ATE1: variants seen among roughly 807,000 people sequenced by gnomAD.
The protein encoded by ATE1 is arginyl-tRNA--protein transferase 1.
ATE1 carries 36 observed loss-of-function variants against 70.5 expected under a neutral mutation model. The observed-to-expected ratio is 0.51, with a 90% CI of 0.39 to 0.67. The LOEUF (loss-of-function observed/expected upper bound fraction) is 0.67, where lower values mean the gene tolerates loss of function less well. Ranked by LOEUF, ATE1 falls within the 30% of genes least tolerant of loss-of-function variation. The probability of loss-of-function intolerance (pLI) is 0.00; values close to 1 mark genes in which losing one functional copy is unlikely to be tolerated. For synonymous variants in ATE1, 232 were observed against 219.3 expected (o/e 1.06, Z -0.51); for missense variants, 593 against 629.5 (o/e 0.94, Z 0.62).
At chr10:121,831,333 T>G (rs1948225934) in intron 10 of ATE1, among the ~76,000 whole-genome samples, 1 of 152,216 alleles carries the variant, frequency 6.6e-6, no homozygotes, top group African/African-American at 2.4e-5. Flanking sequence ...TAACTCATAT[T>G]TTGCATATAA....
chr10:121,903,093 CTTGGACAGACTGGTCTCAAACTCCT>C (rs1208512288), intron 5 of ATE1, among the ~76,000 whole-genome samples: 6 of 151,608 alleles, frequency 4.0e-5, no homozygotes, highest in East Asian at 1.9e-4. Flanking sequence ...CTCAAACTCC[CTTGGACAGACTGGTCTCAAACTCCT>C]GACCTCGTGA....
chr10:121,834,242 T>C (rs769881086), intron 10 of ATE1, among the ~76,000 whole-genome samples: 1 of 152,140 alleles, frequency 6.6e-6, no homozygotes, highest in Non-Finnish European at 1.5e-5. Flanking sequence ...ACAGCACTCA[T>C]CCCTATCTGA....
intron 9 of ATE1, 77 bp from the exon 10 acceptor site, chr10:121,836,894 T>C (rs1948454209): frequency 6.6e-6 from 6 of 912,256 alleles, no homozygotes; most frequent in Non-Finnish European, 1.0e-5. Flanking sequence ...AATTTGATGG[T>C]AAACATTTGA....
rs536102472 is a variant in ATE1 at position 121,905,132 on chromosome 10, T to C, written c.584-2512A>G. On this transcript the variant is annotated intron_variant, in intron 5 of 11. Transcript: ENST00000224652. ...AGCTGACCTTGGGCACGTTTCCCTG[T>C]CTGTACAAGAAAAACAAAAACCAGT... Among the ~76,000 whole-genome samples the C allele has an allele frequency of 3.0e-3, 463 of 152,294 alleles. 1 individual carries two copies. Among genetic ancestry groups the C allele is most frequent in the African/African-American group, 0.01 (425 of 41,568 alleles).
chr10:121,852,546 A>G (rs1214603595), intron 8 of ATE1, among the ~76,000 whole-genome samples: 1 of 152,104 alleles, frequency 6.6e-6, no homozygotes, highest in Non-Finnish European at 1.5e-5. Context: ...CCCCTTCTCT[A>G]CTAAAAATAC....
rs190317902 is a variant in ATE1 at position 121,878,307 on chromosome 10, A to C, written c.943-8269T>G. Among the ~76,000 whole-genome samples, 22 of 152,234 alleles carry C rather than the reference A, an allele frequency of 1.4e-4. No homozygotes were observed. The East Asian group carries it at 4.3e-3, about 29-fold the overall frequency. On this transcript the variant is annotated intron_variant, in intron 7 of 11. Transcript: ENST00000224652. ...TATAAGAGCATATACATAAGTAAAA[A>C]TTTGGCCAGGCGTGTTGTTTCATAC...
intron 1 of ATE1, among the ~76,000 whole-genome samples, chr10:121,925,407 A>G (rs1354631357): frequency 6.6e-6 from 1 of 150,716 alleles, no homozygotes; most frequent in Non-Finnish European, 1.5e-5. Flanking sequence ...AGCATGGGCA[A>G]CAAGAGTGAA....
At chr10:121,860,220 A>G (rs1360444995) in intron 8 of ATE1, among the ~76,000 whole-genome samples, 1 of 152,212 alleles carries the variant, frequency 6.6e-6, no homozygotes, top group Non-Finnish European at 1.5e-5. Context: ...TGAGAAAAGG[A>G]AGGGTCAGGG....
At chr10:121,915,342 C>T (rs989255645) in intron 3 of ATE1, among the ~76,000 whole-genome samples, 1 of 150,930 alleles carries the variant, frequency 6.6e-6, no homozygotes, top group Non-Finnish European at 1.5e-5. Flanking sequence ...GAAGATTCTG[C>T]AAAAAAGATG....
intron 11 of ATE1, among the ~76,000 whole-genome samples, chr10:121,776,438 T>G (rs1945745242): frequency 6.6e-6 from 1 of 152,178 alleles, no homozygotes; most frequent in African/African-American, 2.4e-5. Flanking sequence ...ATGATAACCC[T>G]TTAGCAAAAT....
intron 10 of ATE1, among the ~76,000 whole-genome samples, chr10:121,802,916 C>T (rs1946947097): frequency 6.6e-6 from 1 of 152,100 alleles, no homozygotes; most frequent in Non-Finnish European, 1.5e-5. Context: ...AATAATCATA[C>T]AGAAATGTTA....
chr10:121,825,299 A>G (rs142030398), intron 10 of ATE1, among the ~76,000 whole-genome samples: 1,524 of 152,354 alleles, frequency 0.01, 7 homozygotes, highest in Non-Finnish European at 0.015. Flanking sequence ...TCTTTCCAAC[A>G]ATACAGGTTA....
At chr10:121,759,518 T>C (rs1484788408) in intron 11 of ATE1, among the ~76,000 whole-genome samples, 1 of 151,736 alleles carries the variant, frequency 6.6e-6, no homozygotes, top group Non-Finnish European at 1.5e-5. Flanking sequence ...GGTCAGGAGA[T>C]TGAGACCATC....
intron 4 of ATE1, 71 bp from the exon 5 acceptor site, chr10:121,911,222 A>C (rs1951412287): frequency 3.3e-6 from 5 of 1,535,316 alleles, no homozygotes; most frequent in Admixed American, 2.1e-5. Context: ...ACAGAAATAC[A>C]ATGTTCCTAT....
chr10:121,777,897 A>G (rs932275910), intron 11 of ATE1, among the ~76,000 whole-genome samples: 5 of 152,254 alleles, frequency 3.3e-5, no homozygotes, highest in African/African-American at 1.2e-4. Context: ...ATGTTTAAAG[A>G]AATTTAATCA....
chr10:121,793,343 A>G (rs772128424), intron 10 of ATE1, among the ~76,000 whole-genome samples: 2 of 152,240 alleles, frequency 1.3e-5, no homozygotes, highest in Non-Finnish European at 2.9e-5. Flanking sequence ...TTGATAAAAT[A>G]TAAATATTCT....
At chr10:121,827,310 C>G (rs1482364321) in intron 10 of ATE1, among the ~76,000 whole-genome samples, 2 of 152,134 alleles carry the variant, frequency 1.3e-5, no homozygotes, top group African/African-American at 4.8e-5. Context: ...CTGTGCCCAG[C>G]AAATTTTTTT....
chr10:121,867,384 C>T (rs1185142902), intron 8 of ATE1, among the ~76,000 whole-genome samples: 3 of 152,186 alleles, frequency 2.0e-5, no homozygotes, highest in African/African-American at 7.2e-5. Context: ...GAAAGCCAAC[C>T]CAGCCTAATT....
At chr10:121,776,499 T>C (rs1945748477) in intron 11 of ATE1, among the ~76,000 whole-genome samples, 1 of 152,202 alleles carries the variant, frequency 6.6e-6, no homozygotes, top group Non-Finnish European at 1.5e-5. Context: ...CACTGCCGTA[T>C]CACTAAAATA....
Sources: allele counts gnomAD v4.1 joint callset (sites outside exome capture counted in the v4.1 genomes callset), GRCh38; gene constraint gnomAD v4.1.1; transcripts MANE v1.5; gene names NCBI Gene and HGNC (gene_info 2026-07-23, HGNC 2026-07-21).